Variants in MIA2 observed in about 807,000 individuals in gnomAD.
The protein encoded by MIA2 is MIA SH3 domain ER export factor 2, also known as melanoma inhibitory activity protein 2.
Under a neutral mutation model 167.8 loss-of-function variants are expected in MIA2, and 127 were observed. The ratio of observed to expected loss-of-function variants is 0.76; its 90% CI spans 0.66 to 0.88. The LOEUF (loss-of-function observed/expected upper bound fraction) is 0.88, where lower values mean the gene tolerates loss of function less well. Ranked by LOEUF, MIA2 falls within the 40% of genes least tolerant of loss-of-function variation. The pLI is 0.00. For synonymous variants in MIA2, 552 were observed against 541.9 expected, an observed-to-expected ratio of 1.02 and a Z score of -0.26; for missense variants, 1,690 against 1,624.7, an observed-to-expected ratio of 1.04 and a Z score of -0.69.
At chr14:39,300,219 A>T (rs185247647) in intron 14 of MIA2, among the ~76,000 whole-genome samples, 1 of 152,106 alleles carries the variant, frequency 6.6e-6, no homozygotes, top group African/African-American at 2.4e-5. Context: ...TCTGTATTTT[A>T]GCCTAGGTAT....
At chr14:39,280,911 G>GTTTTTTTTTTTT (rs751903170) in intron 9 of MIA2, among the ~76,000 whole-genome samples, 1 of 60,198 alleles carries the variant, frequency 1.7e-5, no homozygotes, top group African/African-American at 6.5e-5. Context: ...TATTAGTTTA[G>GTTTTTTTTTTTT]TTTTTTTTTT....
downstream of MIA2, among the ~76,000 whole-genome samples, chr14:39,352,655 C>A (rs1158105627): frequency 6.6e-6 from 1 of 152,048 alleles, no homozygotes; most frequent in Non-Finnish European, 1.5e-5. Flanking sequence ...TATAACTGTA[C>A]TTCTTCCCAT....
intron 2 of MIA2, 118 bp from the exon 3 acceptor site, chr14:39,240,443 G>A (rs1348202376): frequency 1.3e-5 from 8 of 594,888 alleles, no homozygotes; most frequent in Admixed American, 9.3e-5. Context: ...ATTGATAGTC[G>A]AGTAATGTTT....
chr14:39,380,004 A>G (rs2075122108), intron 23 of MIA2, among the ~76,000 whole-genome samples: 1 of 152,256 alleles, frequency 6.6e-6, no homozygotes, highest in East Asian at 1.9e-4. Flanking sequence ...ACAACCCACA[A>G]GTCAAAACTA....
intron 25 of MIA2, among the ~76,000 whole-genome samples, chr14:39,343,131 C>T (rs2153059500): frequency 6.6e-6 from 1 of 152,148 alleles, no homozygotes; most frequent in African/African-American, 2.4e-5. Flanking sequence ...GGTATGCACA[C>T]TTTTGATCTT....
intron 6 of MIA2, among the ~76,000 whole-genome samples, chr14:39,267,980 ATT>A (rs10700134): frequency 2.1e-5 from 3 of 144,918 alleles, no homozygotes; most frequent in Non-Finnish European, 1.5e-5. Context: ...TTGATTCTGC[ATT>A]TTTTTTTTTT....
intron 24 of MIA2, among the ~76,000 whole-genome samples, chr14:39,323,334 C>T (rs1039601199): frequency 6.6e-6 from 1 of 151,984 alleles, no homozygotes; most frequent in African/African-American, 2.4e-5. Context: ...AGGGACTGCC[C>T]TATAGACTGA....
At chr14:39,273,559 T>C (rs776482846) in intron 6 of MIA2, among the ~76,000 whole-genome samples, 1 of 152,174 alleles carries the variant, frequency 6.6e-6, no homozygotes, top group Admixed American at 6.5e-5. Context: ...GTGCTAGATA[T>C]AGTCAAATGC....
chr14:39,386,934 AG>A lies in MIA2; in HGVS notation c.2300del (p.Gly767GlufsTer42). 1 of 768,450 alleles carries A rather than the reference AG, an allele frequency of 1.3e-6. No individual in the cohort carries two copies. Among genetic ancestry groups the A allele is most frequent in the Non-Finnish European group, 2.3e-6 (1 of 440,500 alleles). The allele number at this position is 768,450 out of a possible 1,614,324, so 47.6% of individuals were successfully genotyped here. A position where few individuals can be genotyped will look rare whatever the true frequency, so the allele number is the denominator to read the frequency against. ...GAGCCCCGGCTTCAGGTAGGGGCCT[AG>A]GAGGGCCCCAGAAATGAAGCCGAAG... On this transcript the variant is annotated frameshift_variant, in exon 24 of 24. Transcript: ENST00000341502. LOFTEE classifies it high-confidence loss of function.
Position 39,301,566 on chromosome 14 carries a change from C to T in MIA2, c.2620-563C>T, listed in dbSNP as rs537526374. On this transcript the variant is annotated intron_variant, in intron 14 of 28. Coordinates refer to ENST00000640607, the MANE Select transcript of MIA2 (RefSeq NM_001329214.4). ...CAGTGCATTATTTTTAGGTGGGTCC[C>T]TCCAGAGGAATACATGACACGTCAT... Among the ~76,000 whole-genome samples the T allele has an allele frequency of 7.5e-4, 114 of 152,246 alleles. 1 individual carries two copies. The highest frequency in any genetic ancestry group is 3.2e-3 in the Admixed American group (49 of 15,280).
chr14:39,340,826 A>G (rs948221446), intron 25 of MIA2, among the ~76,000 whole-genome samples: 4 of 152,198 alleles, frequency 2.6e-5, no homozygotes, highest in African/African-American at 7.2e-5. Flanking sequence ...CAGTTGATAA[A>G]TTGCCACTGT....
chr14:39,258,304 A>T (rs1018594628), intron 6 of MIA2, among the ~76,000 whole-genome samples: 2 of 151,768 alleles, frequency 1.3e-5, no homozygotes, highest in Admixed American at 1.3e-4. Flanking sequence ...TTTTTCTCTA[A>T]TCTTGTCTTC....
At chr14:39,255,379 G>A (rs535609223) in intron 6 of MIA2, among the ~76,000 whole-genome samples, 112 of 152,044 alleles carry the variant, frequency 7.4e-4, no homozygotes, top group African/African-American at 9.7e-4. Flanking sequence ...GTGGTGGCGC[G>A]CATCTATAAT....
At chr14:39,301,358 TC>T (rs201419629) in intron 14 of MIA2, among the ~76,000 whole-genome samples, 2,925 of 152,214 alleles carry the variant, frequency 0.019, 104 homozygotes, top group African/African-American at 0.067. Flanking sequence ...AGCCACCGCA[TC>T]TGGCTGTGGC....
intron 23 of MIA2, among the ~76,000 whole-genome samples, chr14:39,372,697 G>C (rs991191029): frequency 3.3e-5 from 5 of 152,134 alleles, no homozygotes; most frequent in African/African-American, 1.2e-4. Flanking sequence ...ATGATAAAAG[G>C]ATATTAAAAC....
rs1260946404 is a variant in MIA2 at position 39,279,525 on chromosome 14, T to C, written c.2118T>C (p.Leu706=). 2.5e-6 allele frequency: 4 copies of C among 1,601,492 alleles called. No homozygotes were observed. Among genetic ancestry groups the C allele is most frequent in the East Asian group, 2.2e-5 (1 of 44,744 alleles). Residue 706 remains leucine, a synonymous_variant, in exon 9 of 29, where the codon CTT becomes CTC. Coordinates refer to ENST00000640607, the MANE Select transcript of MIA2 (RefSeq NM_001329214.4). ...GTAAACTACTTGAAAAATTTAGCCT[T>C]GTTCAAAAAGAGGTAAGATATTTTT... is the stretch of plus-strand genomic sequence containing the variant. The part of the protein sequence containing the change: ...EKSKLLEKFS[L]VQKEYEGYEV...
intron 14 of MIA2, among the ~76,000 whole-genome samples, chr14:39,301,384 A>AT (rs1238643865): frequency 2.0e-5 from 3 of 151,912 alleles, no homozygotes; most frequent in African/African-American, 4.8e-5. Context: ...TGTTTTATTT[A>AT]TTTTTTCTAA....
intron 4 of MIA2, among the ~76,000 whole-genome samples, chr14:39,252,527 G>A (rs142176858): frequency 6.6e-6 from 1 of 152,270 alleles, no homozygotes; most frequent in Admixed American, 6.5e-5. Flanking sequence ...ACTCTAAGAG[G>A]ATACATTTGC....
At chr14:39,381,018 AAAAC>A (rs1183074689) in intron 23 of MIA2, among the ~76,000 whole-genome samples, 17 of 143,356 alleles carry the variant, frequency 1.2e-4, no homozygotes, top group Admixed American at 7.4e-4. Flanking sequence ...TTTAGTAAAA[AAAAC>A]AAAAAAAAAA....
Sources: gnomAD v4.1 joint callset for allele counts (sites outside exome capture counted in the v4.1 genomes callset) on GRCh38, gnomAD v4.1.1 for gene constraint, MANE v1.5 for transcripts, NCBI Gene and HGNC (gene_info 2026-07-23, HGNC 2026-07-21) for gene names.